CTNNA2: variants seen among roughly 807,000 people sequenced by gnomAD.
The protein encoded by CTNNA2 is catenin alpha 2.
A neutral mutation model predicts 101.0 loss-of-function variants in CTNNA2; 42 were observed. The observed-to-expected ratio is 0.42, with a 90% CI of 0.32 to 0.54. The LOEUF is 0.54. CTNNA2 is among the 20% of genes least tolerant of loss of function. CTNNA2 has a pLI of 0.14. For synonymous variants in CTNNA2, 450 were observed against 456.4 expected, an observed-to-expected ratio of 0.99 and a Z score of 0.18; for missense variants, 871 against 1,223.1, an observed-to-expected ratio of 0.71 and a Z score of 4.29.
At chr2:79,499,217 T>A (rs1416538100) in intron 4 of CTNNA2, 1 of 152,134 alleles carries the variant, frequency 6.6e-6, no homozygotes, top group East Asian at 1.9e-4. Flanking sequence ...TGCCATCATG[T>A]TTTCTACCCA....
intron 7 of CTNNA2, among the ~76,000 whole-genome samples, chr2:80,008,884 TACTG>T (rs1226563974): frequency 6.6e-6 from 1 of 152,192 alleles, no homozygotes; most frequent in Non-Finnish European, 1.5e-5. Flanking sequence ...TAGCACATGA[TACTG>T]ACTATCAACT....
intron 7 of CTNNA2, among the ~76,000 whole-genome samples, chr2:80,192,009 T>A (rs1706537883): frequency 6.6e-6 from 1 of 152,194 alleles, no homozygotes; most frequent in Admixed American, 6.5e-5. Context: ...CAGTGAAAGG[T>A]CCTACCATAA....
chr2:80,209,401 G>C (rs1348947291), intron 7 of CTNNA2, among the ~76,000 whole-genome samples: 1 of 151,932 alleles, frequency 6.6e-6, no homozygotes, highest in East Asian at 1.9e-4. Context: ...ATGTTGGCCA[G>C]GCTGGTCTTG....
In CTNNA2 at chr2:79,888,021, C is replaced by T. The variant is rs144289064; in HGVS notation, c.852+13679C>T. Among the ~76,000 whole-genome samples the T allele has an allele frequency of 3.5e-3, 534 of 152,240 alleles. 2 individuals are homozygous for T. Among genetic ancestry groups the T allele is most frequent in the African/African-American group, 0.012 (505 of 41,536 alleles). On this transcript the variant is annotated intron_variant, in intron 6 of 18. Coordinates refer to ENST00000402739, the MANE Select transcript of CTNNA2 (RefSeq NM_001282597.3). ...CATACTACAATTTATATATGTAATA[C>T]GGGCTCAAACCCAAGGGATGCAAAT... is the stretch of plus-strand genomic sequence containing the variant.
intron 1 of CTNNA2, among the ~76,000 whole-genome samples, chr2:79,558,261 G>A (rs1337542517): frequency 2.0e-5 from 3 of 151,798 alleles, no homozygotes; most frequent in Non-Finnish European, 4.4e-5. Flanking sequence ...ATTTAGTGAT[G>A]CAAAAATGAC....
At chr2:79,521,377 C>A (rs574775283) in intron 1 of CTNNA2, among the ~76,000 whole-genome samples, 3 of 151,760 alleles carry the variant, frequency 2.0e-5, no homozygotes, top group South Asian at 2.1e-4. Context: ...CCTAGCACAC[C>A]GTCATGCAGC....
chr2:80,635,110 C>T (rs186996651), intron 18 of CTNNA2, among the ~76,000 whole-genome samples: 2 of 152,256 alleles, frequency 1.3e-5, no homozygotes, highest in African/African-American at 4.8e-5. Context: ...AGAATGGTTA[C>T]AACTCATTGT....
intron 2 of CTNNA2, among the ~76,000 whole-genome samples, chr2:79,284,464 C>T (rs1675497655): frequency 6.6e-6 from 1 of 151,192 alleles, no homozygotes; most frequent in Admixed American, 6.6e-5. Flanking sequence ...GAGTTTTTAG[C>T]ATGAAGGGTT....
intron 7 of CTNNA2, among the ~76,000 whole-genome samples, chr2:79,959,604 G>A (rs1689493684): frequency 6.6e-6 from 1 of 152,186 alleles, no homozygotes; most frequent in South Asian, 2.1e-4. Context: ...TGTATTAGTG[G>A]TCATCAAGTA....
chr2:79,596,146 C>T (rs913223188), intron 1 of CTNNA2, among the ~76,000 whole-genome samples: 2 of 151,982 alleles, frequency 1.3e-5, no homozygotes, highest in Non-Finnish European at 1.5e-5. Context: ...GTTATCACAT[C>T]GGCCTGGAGC....
At chr2:79,576,578 G>T (rs934213072) in intron 1 of CTNNA2, among the ~76,000 whole-genome samples, 1 of 152,104 alleles carries the variant, frequency 6.6e-6, no homozygotes, top group Non-Finnish European at 1.5e-5. Context: ...AGTGCTGCTT[G>T]TAAGACTAGG....
At chr2:79,488,497 A>T (rs1022468853) in intron 4 of CTNNA2, among the ~76,000 whole-genome samples, 4 of 152,104 alleles carry the variant, frequency 2.6e-5, no homozygotes, top group Admixed American at 2.0e-4. Flanking sequence ...GATAATCAGG[A>T]ACCAACATAG....
intron 2 of CTNNA2, chr2:79,281,627 C>T (rs965266201): frequency 6.6e-6 from 1 of 152,172 alleles, no homozygotes; most frequent in Non-Finnish European, 1.5e-5. Context: ...CCAAAGAACA[C>T]CTATACTTGA....
Position 79,827,424 on chromosome 2 carries a change from G to A in CTNNA2, c.299-30589G>A, listed in dbSNP as rs559607288. Among the ~76,000 whole-genome samples, 8 of 152,248 alleles carry A rather than the reference G, an allele frequency of 5.3e-5. No homozygotes were observed. The East Asian group carries it at 7.7e-4, about 15-fold the overall frequency. On this transcript the variant is annotated intron_variant, in intron 3 of 18. Transcript: ENST00000402739. ...AGCAAAAAGTAGTTGGCTTGCAGAC[G>A]GAAAATCCACAAGGCGTCATCCAGA...
In CTNNA2 at chr2:79,777,290, TATTTACTGAGCTCTTAGCCCATACCA is replaced by T. The variant is rs557778376; in HGVS notation, c.298+32710_298+32735del. Reference sequence around the variant, plus strand: ...ATTTCTCTACTATAAGAACAGCCAATATTTACTGAGCTCTTAGCCCATACCAAACACTTGTTATGTGTGTGTGTGTG... The same window carrying T: ...ATTTCTCTACTATAAGAACAGCCAATAACACTTGTTATGTGTGTGTGTGTG... On this transcript the variant is annotated intron_variant, in intron 3 of 18. Transcript: ENST00000402739. Among the ~76,000 whole-genome samples the T allele has an allele frequency of 1.1e-4, 17 of 151,696 alleles. 1 individual carries two copies. In the East Asian group the frequency reaches 3.3e-3, roughly 29 times the overall value.
At chr2:79,922,972 T>C (rs1686776199) in intron 7 of CTNNA2, among the ~76,000 whole-genome samples, 1 of 152,122 alleles carries the variant, frequency 6.6e-6, no homozygotes, top group East Asian at 1.9e-4. Context: ...TTTTCCCTAA[T>C]GTGTATATTT....
intron 9 of CTNNA2, among the ~76,000 whole-genome samples, chr2:80,503,531 C>T (rs1044060111): frequency 6.6e-6 from 1 of 152,130 alleles, no homozygotes; most frequent in Non-Finnish European, 1.5e-5. Flanking sequence ...AAATCTATAC[C>T]CCTTTCTTCT....
intron 2 of CTNNA2, among the ~76,000 whole-genome samples, chr2:79,692,490 T>A (rs1276973451): frequency 3.9e-5 from 6 of 152,112 alleles, no homozygotes; most frequent in Non-Finnish European, 5.9e-5. Context: ...GAACCAGACA[T>A]ACCATTTGAC....
chr2:79,797,073 A>G (rs1007196720), intron 3 of CTNNA2, among the ~76,000 whole-genome samples: 1 of 152,212 alleles, frequency 6.6e-6, no homozygotes, highest in Non-Finnish European at 1.5e-5. Flanking sequence ...ACCTTTCAAA[A>G]TGCAAACAAT....
Sources: allele counts gnomAD v4.1 joint callset (sites outside exome capture counted in the v4.1 genomes callset), GRCh38; gene constraint gnomAD v4.1.1; transcripts MANE v1.5; gene names NCBI Gene and HGNC (gene_info 2026-07-23, HGNC 2026-07-21).